Variants in PKHD1L1 observed in about 807,000 individuals in gnomAD.
The protein encoded by PKHD1L1 is fibrocystin-L.
In PKHD1L1, 434 loss-of-function variants were observed where a neutral mutation model predicts 462.9. The ratio of observed to expected loss-of-function variants is 0.94; its 90% confidence interval spans 0.87 to 1.02. PKHD1L1 has a LOEUF of 1.02. Among genes scored for constraint, PKHD1L1 ranks in the 50% least tolerant of loss-of-function variants. The pLI is 0.00. For missense variants in PKHD1L1, 5,202 were observed against 5,096.1 expected, an observed-to-expected ratio of 1.02 and a Z score of -0.63; for synonymous variants, 1,781 against 1,750.0, an observed-to-expected ratio of 1.02 and a Z score of -0.44.
chr8:109,505,944 T>G (rs1819667564), intron 68 of PKHD1L1, among the ~76,000 whole-genome samples: 1 of 152,118 alleles, frequency 6.6e-6, no homozygotes. Context: ...ATATAATATT[T>G]CATAAATTGT....
intron 10 of PKHD1L1, among the ~76,000 whole-genome samples, chr8:109,395,370 G>T (rs755716678): frequency 6.6e-6 from 1 of 152,168 alleles, no homozygotes. Flanking sequence ...ATAATGGAAA[G>T]ATCGTTTAGA....
chr8:109,529,002 C>T (rs1820950766), intron 77 of PKHD1L1, among the ~76,000 whole-genome samples: 1 of 151,986 alleles, frequency 6.6e-6, no homozygotes, highest in African/African-American at 2.4e-5. Flanking sequence ...ATAAGAGATA[C>T]TGTATAATAA....
chr8:109,405,170 T>G, intron 16 of PKHD1L1, 40 bp downstream of exon 16: 1 of 1,232,810 alleles, frequency 8.1e-7, no homozygotes, highest in Non-Finnish European at 1.1e-6. Flanking sequence ...TTTCTGTTCA[T>G]GTATAGATGT....
chr8:109,404,043 C>G (rs747862105), intron 14 of PKHD1L1, among the ~76,000 whole-genome samples: 1 of 151,978 alleles, frequency 6.6e-6, no homozygotes, highest in Non-Finnish European at 1.5e-5. Flanking sequence ...TAAATCTGAC[C>G]GGTAAAAGTT....
Position 109,508,117 on chromosome 8 carries a change from TGTAA to T in PKHD1L1, c.11252_11255del (p.Lys3751ThrfsTer17), listed in dbSNP as rs1455073219. Reference sequence around the variant, plus strand: ...TCTAGGAATTATTAGAGATTCAACCTGTAAGTACCTTCCAGAGTGGCAGAGCTAT... The same window carrying T: ...TCTAGGAATTATTAGAGATTCAACCTGTACCTTCCAGAGTGGCAGAGCTAT... On this transcript the variant is annotated frameshift_variant, in exon 70 of 78. Transcript: ENST00000378402. LOFTEE classifies it high-confidence loss of function. 1 of 1,610,084 alleles carries T rather than the reference TGTAA, an allele frequency of 6.2e-7. No individual in the cohort carries two copies. Among genetic ancestry groups the T allele is most frequent in the South Asian group, 1.1e-5 (1 of 90,268 alleles).
At chr8:109,486,430 GTAAA>G (rs1818529750) in intron 58 of PKHD1L1, among the ~76,000 whole-genome samples, 1 of 151,914 alleles carries the variant, frequency 6.6e-6, no homozygotes, top group African/African-American at 2.4e-5. Flanking sequence ...TCATTTTGAT[GTAAA>G]TAGAGGAAAT....
At chr8:109,414,699 G>A (rs990923564) in intron 21 of PKHD1L1, among the ~76,000 whole-genome samples, 46 of 152,028 alleles carry the variant, frequency 3.0e-4, no homozygotes, top group Admixed American at 7.2e-4. Context: ...TTTCATGTGT[G>A]GAACAAGCAC....
intron 12 of PKHD1L1, 63 bp from the exon 13 acceptor site, chr8:109,400,013 A>G (rs1813188615): frequency 1.4e-6 from 2 of 1,479,270 alleles, no homozygotes; most frequent in Non-Finnish European, 1.8e-6. Context: ...ATCCAAATAG[A>G]AAGCCATTGA....
chr8:109,371,583 C>T (rs1214904406), intron 2 of PKHD1L1, among the ~76,000 whole-genome samples: 3 of 146,270 alleles, frequency 2.1e-5, no homozygotes, highest in Admixed American at 7.1e-5. Context: ...CTTGCCCATG[C>T]CTATGTCCTG....
chr8:109,466,926 A>T (rs1215829537), intron 50 of PKHD1L1, among the ~76,000 whole-genome samples, 157 bp downstream of exon 50: 1 of 152,144 alleles, frequency 6.6e-6, no homozygotes, highest in Non-Finnish European at 1.5e-5. Flanking sequence ...CTCTCGAAGT[A>T]GGTGTTTGAG....
At chr8:109,523,004 T>G in intron 75 of PKHD1L1, 114 bp downstream of exon 75, 1 of 1,207,304 alleles carries the variant, frequency 8.3e-7, no homozygotes, top group Admixed American at 3.0e-5. Context: ...ACACGGCCCT[T>G]TCAGAAGTTG....
chr8:109,450,642 C>T (rs949490294), intron 40 of PKHD1L1, among the ~76,000 whole-genome samples: 1 of 152,158 alleles, frequency 6.6e-6, no homozygotes, highest in Non-Finnish European at 1.5e-5. Context: ...GTGTGCCTGC[C>T]TTTAAGCAGT....
At chr8:109,433,281 C>A in intron 28 of PKHD1L1, 65 bp downstream of exon 28, 2 of 1,195,154 alleles carry the variant, frequency 1.7e-6, no homozygotes, top group South Asian at 1.3e-5. Context: ...AATCAAAGGG[C>A]AGTATTACAA....
rs187054884 is a variant in PKHD1L1 at position 109,376,294 on chromosome 8, C to T, written c.164-5076C>T. ...CAAGGCTCAGTGGTGTAGGACCCTC[C>T]GAGCCATGTGCAGGATATAATCTCC... On this transcript the variant is annotated intron_variant, in intron 2 of 77. Transcript: ENST00000378402. Among the ~76,000 whole-genome samples, 188 of 152,076 alleles carry T rather than the reference C, an allele frequency of 1.2e-3. 1 individual carries two copies. The highest frequency in any genetic ancestry group is 4.1e-3 in the African/African-American group (170 of 41,460).
chr8:109,477,122 C>T (rs1349976495), intron 52 of PKHD1L1, 103 bp from the exon 53 acceptor site: 3 of 1,070,314 alleles, frequency 2.8e-6, no homozygotes, highest in Non-Finnish European at 4.1e-6. Flanking sequence ...AATTATAATT[C>T]AAGTTACTAC....
chr8:109,504,276 T>C, intron 67 of PKHD1L1, 51 bp from the exon 68 acceptor site: 2 of 1,180,728 alleles, frequency 1.7e-6, no homozygotes, highest in East Asian at 2.8e-5. Flanking sequence ...AAATCTGATT[T>C]TATCACTTTC....
At chr8:109,454,603 A>T in intron 44 of PKHD1L1, 120 bp from the exon 45 acceptor site, 1 of 1,386,014 alleles carries the variant, frequency 7.2e-7, no homozygotes, top group Non-Finnish European at 9.8e-7. Flanking sequence ...AAAGATATGA[A>T]CAACTGAGCA....
intron 67 of PKHD1L1, among the ~76,000 whole-genome samples, chr8:109,500,520 C>CA (rs542817713): frequency 0.07 from 3,038 of 43,658 alleles, 58 homozygotes; most frequent in East Asian, 0.17. Flanking sequence ...ACTAAAAATA[C>CA]AAAAAAAAAA....
At chr8:109,429,497 A>G in intron 26 of PKHD1L1, 35 bp downstream of exon 26, 2 of 1,573,646 alleles carry the variant, frequency 1.3e-6, no homozygotes, top group Non-Finnish European at 1.7e-6. Flanking sequence ...TGCTTAATGT[A>G]ATTTTAATAG....
Sources: allele counts gnomAD v4.1 joint callset (sites outside exome capture counted in the v4.1 genomes callset), GRCh38; gene constraint gnomAD v4.1.1; transcripts MANE v1.5; gene names NCBI Gene and HGNC (gene_info 2026-07-23, HGNC 2026-07-21).